The following HMGXB4 variants were observed in gnomAD, a reference collection of about 807,000 sequenced individuals.
HMGXB4 encodes HMG domain-containing protein 4.
In HMGXB4, 27 loss-of-function variants were observed where a neutral mutation model predicts 63.9. The observed-to-expected ratio is 0.42, with a 90% CI of 0.31 to 0.58. The LOEUF (loss-of-function observed/expected upper bound fraction) is 0.58, where lower values mean the gene tolerates loss of function less well. Among genes scored for constraint, HMGXB4 ranks in the 20% least tolerant of loss-of-function variants. The probability of loss-of-function intolerance (pLI) is 0.13; values close to 1 mark genes in which losing one functional copy is unlikely to be tolerated. For synonymous variants in HMGXB4, 264 were observed against 265.3 expected, an observed-to-expected ratio of 0.99 and a Z score of 0.05; for missense variants, 624 against 700.7, an observed-to-expected ratio of 0.89 and a Z score of 1.24.
At chr22:35,252,428 G>A in the HMGXB4 span, among the ~76,000 whole-genome samples, 1 of 152,168 alleles carries the variant, frequency 6.6e-6, no homozygotes, top group Non-Finnish European at 1.5e-5. Context: ...CTATGAGCTT[G>A]ACTATTACAG....
chr22:35,262,082 T>C (rs953308513), intron 1 of HMGXB4: 5 of 316,560 alleles, frequency 1.6e-5, no homozygotes, highest in African/African-American at 8.6e-5. Flanking sequence ...GTATTGGAGG[T>C]ATTTTATATA....
chr22:35,287,496 A>G (rs367638488), intron 8 of HMGXB4, 44 bp downstream of exon 8: 39 of 1,410,392 alleles, frequency 2.8e-5, no homozygotes, highest in Non-Finnish European at 3.4e-5. Context: ...AAGCATGTGA[A>G]TTTTGCTTCC....
chr22:35,257,758 C>T (rs1040484532), intron 1 of HMGXB4, among the ~76,000 whole-genome samples: 1 of 152,146 alleles, frequency 6.6e-6, no homozygotes, highest in African/African-American at 2.4e-5. Context: ...CTGGAGCGGG[C>T]AGAAGGAGGA....
At chr22:35,258,129 A>G (rs1269224733) in intron 1 of HMGXB4, 3 of 152,222 alleles carry the variant, frequency 2.0e-5, no homozygotes, top group Non-Finnish European at 4.4e-5. Flanking sequence ...GGAGAATCCC[A>G]CTGGTTTGCC....
intron 5 of HMGXB4, among the ~76,000 whole-genome samples, chr22:35,272,163 A>T (rs1421538102): frequency 6.6e-6 from 1 of 152,194 alleles, no homozygotes; most frequent in East Asian, 1.9e-4. Flanking sequence ...AAGAGAAGGA[A>T]GAGGGGGCGG....
chr22:35,288,953 A>G (rs1924765267), intron 9 of HMGXB4, among the ~76,000 whole-genome samples: 1 of 152,136 alleles, frequency 6.6e-6, no homozygotes, highest in South Asian at 2.1e-4. Context: ...CAGCCTGGCC[A>G]ATATGGTGAA....
the HMGXB4 span, among the ~76,000 whole-genome samples, chr22:35,251,315 T>C: frequency 1.3e-5 from 2 of 152,122 alleles, no homozygotes; most frequent in African/African-American, 4.8e-5. Flanking sequence ...GACCTCGTGA[T>C]CCACCTGCCT....
intron 5 of HMGXB4, among the ~76,000 whole-genome samples, chr22:35,268,411 T>C (rs926888957): frequency 6.6e-6 from 1 of 152,236 alleles, no homozygotes; most frequent in African/African-American, 2.4e-5. Flanking sequence ...ATTGCCACTG[T>C]CTTAGGCCTC....
At chr22:35,255,230 G>A (rs887072293), upstream of HMGXB4, among the ~76,000 whole-genome samples, 3 of 152,118 alleles carry the variant, frequency 2.0e-5, no homozygotes, top group African/African-American at 7.2e-5. Flanking sequence ...AGGCATGGTG[G>A]CTCACATCTG....
chr22:35,293,096 C>A lies in HMGXB4; in HGVS notation c.1743C>A (p.Gly581=). ...CLTTQLPELN[G]CPKQVLSNTL... The stretch of plus-strand genomic sequence containing the variant: ...CCACACAACTACCTGAATTGAATGG[C>A]TGTCCCAAACAGGTCTTGGTGAGTT... The change falls in exon 10 of 11, where the codon GGC becomes GGA. Residue 581 remains glycine (G), a synonymous_variant. Transcript: ENST00000216106. The A allele has an allele frequency of 6.2e-7, 1 of 1,614,212 alleles. No homozygotes were observed. The highest frequency in any genetic ancestry group is 8.5e-7 in the Non-Finnish European group (1 of 1,180,024).
intron 2 of HMGXB4, 156 bp from the exon 3 acceptor site, chr22:35,262,922 C>G (rs1480534139): frequency 1.5e-6 from 1 of 688,004 alleles, no homozygotes; most frequent in African/African-American, 1.8e-5. Context: ...AAGAAATATT[C>G]TGTTCCCCTG....
intron 2 of HMGXB4, 64 bp from the exon 3 acceptor site, chr22:35,263,014 A>T: frequency 6.9e-7 from 1 of 1,458,878 alleles, no homozygotes; most frequent in South Asian, 1.2e-5. Flanking sequence ...TACCTGCATG[A>T]CGATTTGGTC....
intron 5 of HMGXB4, among the ~76,000 whole-genome samples, chr22:35,269,893 A>C (rs1923495199): frequency 6.6e-6 from 1 of 152,162 alleles, no homozygotes; most frequent in Non-Finnish European, 1.5e-5. Context: ...TGGGAGGATC[A>C]GTTGAACCCA....
chr22:35,257,199 C>T (rs917224409), upstream of HMGXB4, among the ~76,000 whole-genome samples: 3 of 152,242 alleles, frequency 2.0e-5, no homozygotes, highest in African/African-American at 7.2e-5. Context: ...TACTCGGTCT[C>T]ACATTCCAAC....
At chr22:35,247,438 T>G in the HMGXB4 span, among the ~76,000 whole-genome samples, 2 of 152,328 alleles carry the variant, frequency 1.3e-5, no homozygotes, top group East Asian at 3.9e-4. Context: ...CATTAGCTGA[T>G]CACTATTTGC....
At chr22:35,252,733 G>A (rs1311096717), upstream of HMGXB4, among the ~76,000 whole-genome samples, 1 of 152,248 alleles carries the variant, frequency 6.6e-6, no homozygotes, top group Non-Finnish European at 1.5e-5. Flanking sequence ...GCCAGGCGTA[G>A]TGGCTCACGC....
intron 5 of HMGXB4, 91 bp from the exon 6 acceptor site, chr22:35,283,871 G>A: frequency 4.6e-6 from 4 of 875,664 alleles, no homozygotes; most frequent in Non-Finnish European, 7.6e-6. Flanking sequence ...AAAAGTTTAG[G>A]TATCCTTCTA....
chr22:35,290,639 A>G lies in HMGXB4; in HGVS notation c.1638+2232A>G, dbSNP rs1288642181. ...GAGCGAGACTCCGCCTCAAAAAAAA[A>G]AAAAAAAAAAAAAAGAAACCCTGTA... On this transcript the variant is annotated intron_variant, in intron 9 of 10. Transcript: ENST00000216106. Among the ~76,000 whole-genome samples, 5 of 150,838 alleles carry G rather than the reference A, an allele frequency of 3.3e-5. No homozygotes were observed. The East Asian group carries it at 9.8e-4, about 29-fold the overall frequency.
intron 5 of HMGXB4, among the ~76,000 whole-genome samples, chr22:35,272,804 C>A (rs559581091): frequency 1.3e-5 from 2 of 152,084 alleles, no homozygotes; most frequent in Non-Finnish European, 2.9e-5. Flanking sequence ...CGTGGTGGCG[C>A]GTGCCTGTAA....
Sources: gnomAD v4.1 joint callset for allele counts (sites outside exome capture counted in the v4.1 genomes callset) on GRCh38, gnomAD v4.1.1 for gene constraint, MANE v1.5 for transcripts, NCBI Gene and HGNC (gene_info 2026-07-23, HGNC 2026-07-21) for gene names.